GRIP1: variants seen among roughly 807,000 people sequenced by gnomAD.
GRIP1 encodes the protein glutamate receptor interacting protein 1.
Under a neutral mutation model 129.9 loss-of-function variants are expected in GRIP1, and 45 were observed. That is an observed-to-expected ratio of 0.35 (90% CI 0.27 to 0.44). The LOEUF (loss-of-function observed/expected upper bound fraction) is 0.44. Among genes scored for constraint, GRIP1 ranks in the 20% least tolerant of loss-of-function variants. The pLI is 1.00. For missense variants in GRIP1, 1,196 were observed against 1,396.8 expected, an observed-to-expected ratio of 0.86 and a Z score of 2.29; for synonymous variants, 530 against 520.8, an observed-to-expected ratio of 1.02 and a Z score of -0.24.
chr12:66,979,254 A>AAAAC (rs2042208171), intron 1 of GRIP1, among the ~76,000 whole-genome samples: 1 of 141,270 alleles, frequency 7.1e-6, no homozygotes, highest in African/African-American at 2.7e-5. Flanking sequence ...AAAAAAAAAA[A>AAAAC]CAAGCCCGTC....
At chr12:66,682,125 C>A (rs2034608176), upstream of GRIP1, among the ~76,000 whole-genome samples, 1 of 152,130 alleles carries the variant, frequency 6.6e-6, no homozygotes, top group Non-Finnish European at 1.5e-5. Context: ...TGCTTCCTTG[C>A]CACCAATACA....
rs547017621 is a variant in GRIP1 at position 66,760,686 on chromosome 12, C to T, written c.-420+43367G>A. Among the ~76,000 whole-genome samples the T allele has an allele frequency of 3.9e-5, 6 of 152,156 alleles. No individual in the cohort carries two copies. The South Asian group carries it at 1.0e-3, about 26-fold the overall frequency. Reference sequence around the variant, plus strand: ...AGATTTGGGTGGGGACACAGCCAAACCCTATCACAAGAAATACTTCTGAAA... The same window carrying T: ...AGATTTGGGTGGGGACACAGCCAAATCCTATCACAAGAAATACTTCTGAAA... On this transcript the variant is annotated intron_variant, in intron 1 of 4. Coordinates refer to the GRIP1 transcript ENST00000538373.
chr12:66,581,573 A>ATC (rs2063381662), intron 2 of GRIP1, among the ~76,000 whole-genome samples: 1 of 149,802 alleles, frequency 6.7e-6, no homozygotes, highest in African/African-American at 2.5e-5. Context: ...TAAAGGGGAT[A>ATC]TCACCACTGA....
intron 1 of GRIP1, among the ~76,000 whole-genome samples, chr12:67,036,043 T>C (rs1165545104): frequency 1.3e-5 from 2 of 152,170 alleles, no homozygotes; most frequent in African/African-American, 4.8e-5. Context: ...TGACTTCTCT[T>C]CATCTAAAAT....
chr12:66,638,870 TA>T (rs1180111700), intron 1 of GRIP1, among the ~76,000 whole-genome samples: 1 of 152,128 alleles, frequency 6.6e-6, no homozygotes, highest in Non-Finnish European at 1.5e-5. Flanking sequence ...AGTGCCTGGG[TA>T]AAAACCCAGG....
intron 1 of GRIP1, among the ~76,000 whole-genome samples, chr12:66,910,929 C>T (rs905507007): frequency 3.3e-5 from 5 of 152,268 alleles, no homozygotes; most frequent in East Asian, 1.9e-4. Context: ...ACAGGTTCTA[C>T]AACATGAAGA....
rs75137383 is a variant in GRIP1 at position 66,659,258 on chromosome 12, T to C, written c.55+19592A>G. Among the ~76,000 whole-genome samples the C allele has an allele frequency of 4.6e-5, 7 of 152,354 alleles. No homozygotes were observed. In the East Asian group the frequency reaches 7.7e-4, roughly 17 times the overall value. ...CCCTCTGTTAACTTTCTGCATAACA[T>C]TGAGTGTGCATTTATTTGAATATTT... On this transcript the variant is annotated intron_variant, in intron 1 of 24. Transcript: ENST00000359742.
At chr12:66,916,438 G>A (rs2041123605) in intron 1 of GRIP1, among the ~76,000 whole-genome samples, 1 of 151,918 alleles carries the variant, frequency 6.6e-6, no homozygotes, top group African/African-American at 2.4e-5. Context: ...AGCTCTCCTG[G>A]GAAGTCCTGA....
At chr12:66,351,550 A>T (rs2054219490) in intron 24 of GRIP1, among the ~76,000 whole-genome samples, 1 of 119,048 alleles carries the variant, frequency 8.4e-6, no homozygotes, top group Admixed American at 9.9e-5. Flanking sequence ...GGGAAACAGG[A>T]AGGTGGTTTT....
chr12:66,855,496 T>A (rs2039987784), intron 1 of GRIP1, among the ~76,000 whole-genome samples: 2 of 152,036 alleles, frequency 1.3e-5, no homozygotes, highest in Admixed American at 6.6e-5. Flanking sequence ...CCAAATCTGT[T>A]GATTCATATC....
intron 1 of GRIP1, among the ~76,000 whole-genome samples, chr12:66,994,864 C>T (rs1036759422): frequency 2.0e-5 from 3 of 151,888 alleles, no homozygotes; most frequent in African/African-American, 7.2e-5. Flanking sequence ...TATGGAATTT[C>T]AAGGGACTCA....
chr12:66,903,819 G>A (rs2040883371), intron 1 of GRIP1, among the ~76,000 whole-genome samples: 1 of 152,074 alleles, frequency 6.6e-6, no homozygotes, highest in South Asian at 2.1e-4. Context: ...ATCACCAAAG[G>A]CATCTGCACT....
rs1051177859 is a variant in GRIP1 at position 66,377,420 on chromosome 12, C to A, written c.2622-135G>T. On this transcript the variant is annotated intron_variant, in intron 20 of 24. Transcript: ENST00000359742. ...TCGGCTCACTGCAAGCTCCGCCTCC[C>A]GGGTTCACACCATTCTCCTGCCTCA... The A allele has an allele frequency of 4.3e-5, 30 of 691,350 alleles. No individual in the cohort carries two copies. In the African/African-American group the frequency reaches 5.2e-4, roughly 12 times the overall value. The allele number at this position is 691,350 out of a possible 1,614,324, so 42.8% of individuals were successfully genotyped here.
chr12:66,764,475 C>T (rs1345080120), intron 1 of GRIP1, among the ~76,000 whole-genome samples: 1 of 152,150 alleles, frequency 6.6e-6, no homozygotes, highest in East Asian at 1.9e-4. Context: ...TTTACTTATA[C>T]TAAGACCTTT....
intron 1 of GRIP1, among the ~76,000 whole-genome samples, chr12:66,926,273 C>T (rs1191799340): frequency 6.6e-6 from 1 of 152,140 alleles, no homozygotes; most frequent in Non-Finnish European, 1.5e-5. Flanking sequence ...TCTCCACCAC[C>T]TAAGGAGAGA....
intron 1 of GRIP1, among the ~76,000 whole-genome samples, chr12:66,729,554 A>G (rs1191200913): frequency 6.6e-6 from 1 of 152,176 alleles, no homozygotes; most frequent in East Asian, 1.9e-4. Flanking sequence ...CATGCTACTC[A>G]ATGATGGAAG....
At chr12:67,026,933 T>C (rs559308994) in intron 1 of GRIP1, among the ~76,000 whole-genome samples, 1 of 152,178 alleles carries the variant, frequency 6.6e-6, no homozygotes, top group Non-Finnish European at 1.5e-5. Flanking sequence ...TTTTTGTTGT[T>C]GTTGTTTAAA....
chr12:66,848,674 G>A (rs929947346), intron 1 of GRIP1, among the ~76,000 whole-genome samples: 3 of 152,118 alleles, frequency 2.0e-5, no homozygotes, highest in Non-Finnish European at 4.4e-5. Flanking sequence ...CTAATTCACT[G>A]CATTCTCAAA....
chr12:66,951,862 A>G (rs2041763506), intron 1 of GRIP1, among the ~76,000 whole-genome samples: 1 of 147,394 alleles, frequency 6.8e-6, no homozygotes, highest in Admixed American at 6.6e-5. Flanking sequence ...AGGTTTCTAG[A>G]TTACAGACCT....
Sources: gnomAD v4.1 joint callset for allele counts (sites outside exome capture counted in the v4.1 genomes callset) on GRCh38, gnomAD v4.1.1 for gene constraint, MANE v1.5 for transcripts, NCBI Gene and HGNC (gene_info 2026-07-23, HGNC 2026-07-21) for gene names.